Variants in MAP4K4 observed in about 807,000 individuals in gnomAD.
MAP4K4 encodes the protein mitogen-activated protein kinase kinase kinase kinase 4.
Under a neutral mutation model 189.6 loss-of-function variants are expected in MAP4K4, and 38 were observed. The observed-to-expected ratio is 0.20, with a 90% CI of 0.15 to 0.26. MAP4K4 has a LOEUF of 0.26. Among genes scored for constraint, MAP4K4 ranks in the 10% least tolerant of loss-of-function variants. The pLI is 1.00. For synonymous variants in MAP4K4, 610 were observed against 624.3 expected (o/e 0.98, Z 0.34); for missense variants, 1,054 against 1,726.9 (o/e 0.61, Z 6.91).
chr2:101,891,558 C>CG, exon 33 of MAP4K4: 1 of 211,788 alleles, frequency 4.7e-6, no homozygotes. Flanking sequence ...ACCTTTCCTC[C>CG]AGCTCCAGAA....
chr2:101,783,470 C>T (rs538373855), intron 2 of MAP4K4, among the ~76,000 whole-genome samples: 79 of 152,198 alleles, frequency 5.2e-4, no homozygotes, highest in African/African-American at 1.9e-3. Flanking sequence ...TCCCAGACTT[C>T]AGAGTGTGTA....
intron 8 of MAP4K4, among the ~76,000 whole-genome samples, chr2:101,835,354 A>G (rs2149473216): frequency 6.6e-6 from 1 of 152,374 alleles, no homozygotes; most frequent in Middle Eastern, 3.4e-3. Context: ...TAATGCCTAC[A>G]TGTGTGCCTA....
chr2:101,867,842 C>T lies in MAP4K4; in HGVS notation c.2455-187C>T, dbSNP rs950783084. The T allele has an allele frequency of 2.7e-5, 16 of 599,518 alleles. No individual in the cohort carries two copies. The African/African-American group carries it at 3.0e-4, about 11-fold the overall frequency. The allele number at this position is 599,518 out of a possible 1,614,324, so 37.1% of individuals were successfully genotyped here. A position where few individuals can be genotyped will look rare whatever the true frequency, so the allele number is the denominator to read the frequency against. On this transcript the variant is annotated intron_variant, in intron 20 of 32. Coordinates refer to ENST00000324219, the Ensembl canonical transcript of MAP4K4. ...TTCTCACCCTTCTCTTTTAATCCCT[C>T]TGATGTTACCTGACCATGTAATTGT...
chr2:101,823,101 A>G (rs1001844185), intron 3 of MAP4K4, among the ~76,000 whole-genome samples: 1 of 152,210 alleles, frequency 6.6e-6, no homozygotes, highest in Non-Finnish European at 1.5e-5. Context: ...CGTCTTCTCC[A>G]GGTTTATATG....
chr2:101,887,849 C>T, exon 31 of MAP4K4: 1 of 1,613,056 alleles, frequency 6.2e-7, no homozygotes, highest in Non-Finnish European at 8.5e-7. Context: ...TTCTGGTGTG[C>T]TATGAAGATG....
intron 2 of MAP4K4, among the ~76,000 whole-genome samples, chr2:101,731,782 G>A (rs559777405): frequency 2.0e-5 from 3 of 151,426 alleles, no homozygotes; most frequent in African/African-American, 4.8e-5. Context: ...TGGAGGGGAG[G>A]GGTAGGGGAA....
chr2:101,713,397 C>T (rs2046687410), intron 2 of MAP4K4, among the ~76,000 whole-genome samples: 2 of 151,582 alleles, frequency 1.3e-5, no homozygotes, highest in Admixed American at 1.3e-4. Flanking sequence ...GAGTTCAAGA[C>T]CAGGCTGGCC....
chr2:101,789,492 G>A (rs1200790933), intron 2 of MAP4K4, among the ~76,000 whole-genome samples: 3 of 152,058 alleles, frequency 2.0e-5, no homozygotes, highest in African/African-American at 7.2e-5. Context: ...CATACCAAGC[G>A]GTGTCTTACC....
intron 2 of MAP4K4, among the ~76,000 whole-genome samples, chr2:101,729,101 A>AGAGAGAGAGAGTGT (rs149283961): frequency 1.2e-4 from 16 of 130,504 alleles, no homozygotes; most frequent in East Asian, 1.2e-3. Flanking sequence ...AGAGAGAGAG[A>AGAGAGAGAGAGTGT]GTGTGTGTGT....
At chr2:101,709,320 A>AGACTCCCAAGTAGCT (rs1281361808) in intron 2 of MAP4K4, among the ~76,000 whole-genome samples, 3 of 152,196 alleles carry the variant, frequency 2.0e-5, no homozygotes, top group African/African-American at 4.8e-5. Context: ...CTCCTGCTTC[A>AGACTCCCAAGTAGCT]GACTCCCAAG....
intron 2 of MAP4K4, among the ~76,000 whole-genome samples, chr2:101,711,144 G>A (rs2045267536): frequency 6.6e-6 from 1 of 152,198 alleles, no homozygotes; most frequent in South Asian, 2.1e-4. Context: ...CATTACACAT[G>A]GGGAGACTGC....
rs561848978 is a variant in MAP4K4, at chr2:101,887,953, G to A, written c.3931+16G>A. 6.4e-7 allele frequency: 1 copy of A among 1,565,518 alleles called. No individual in the cohort carries two copies. The highest frequency in any genetic ancestry group is 8.6e-7 in the Non-Finnish European group (1 of 1,157,184). ...ACATCAGTAGGTATGGAGAACTTGG[G>A]GAAAGGCAGCATTTGTGAAAATGGA... On this transcript the variant is annotated intron_variant, in intron 31 of 32. Coordinates refer to ENST00000324219, the Ensembl canonical transcript of MAP4K4.
chr2:101,835,462 CT>C (rs1462710215), intron 8 of MAP4K4, among the ~76,000 whole-genome samples: 1 of 152,158 alleles, frequency 6.6e-6, no homozygotes, highest in Non-Finnish European at 1.5e-5. Context: ...GTATTTTTAG[CT>C]ATAACAACAA....
intron 2 of MAP4K4, among the ~76,000 whole-genome samples, chr2:101,703,665 A>G (rs1439099944): frequency 6.6e-6 from 1 of 151,072 alleles, no homozygotes; most frequent in Non-Finnish European, 1.5e-5. Context: ...TTAAAGTGCT[A>G]AAATTGCTTT....
chr2:101,734,602 A>G (rs1251744895), intron 2 of MAP4K4, among the ~76,000 whole-genome samples: 1 of 152,206 alleles, frequency 6.6e-6, no homozygotes, highest in Non-Finnish European at 1.5e-5. Flanking sequence ...AATCAGAGCC[A>G]ATTCCTGCAT....
exon 33 of MAP4K4, chr2:101,893,291 A>C (rs980841435): frequency 3.9e-5 from 18 of 456,070 alleles, no homozygotes; most frequent in Non-Finnish European, 7.1e-5. Flanking sequence ...TTGGGGAAGT[A>C]AAAGAAGATG....
chr2:101,806,743 T>C (rs1172603462), intron 3 of MAP4K4, among the ~76,000 whole-genome samples: 1 of 152,180 alleles, frequency 6.6e-6, no homozygotes, highest in African/African-American at 2.4e-5. Context: ...GATGCTGGAT[T>C]TTTCTCCCCC....
At chr2:101,821,055 T>A (rs183921932) in intron 3 of MAP4K4, among the ~76,000 whole-genome samples, 2 of 152,290 alleles carry the variant, frequency 1.3e-5, no homozygotes, top group Admixed American at 1.3e-4. Context: ...GTCTAAACAC[T>A]GGTTTTGTTT....
chr2:101,808,920 C>T (rs908483569), intron 3 of MAP4K4, among the ~76,000 whole-genome samples: 2 of 151,806 alleles, frequency 1.3e-5, no homozygotes, highest in African/African-American at 4.8e-5. Context: ...TACAGTCTCA[C>T]CCCCCCGACG....
Sources: gnomAD v4.1 joint callset for allele counts (sites outside exome capture counted in the v4.1 genomes callset) on GRCh38, gnomAD v4.1.1 for gene constraint, MANE v1.5 for transcripts, NCBI Gene and HGNC (gene_info 2026-07-23, HGNC 2026-07-21) for gene names.